Variants in CADPS observed in about 807,000 individuals in gnomAD.
The protein encoded by CADPS is calcium dependent secretion activator.
A neutral mutation model predicts 167.3 loss-of-function variants in CADPS; 57 were observed. The ratio of observed to expected loss-of-function variants is 0.34; its 90% confidence interval spans 0.28 to 0.42. The LOEUF is 0.42. Ranked by LOEUF, CADPS falls within the 20% of genes least tolerant of loss-of-function variation. CADPS has a pLI of 1.00. For missense variants in CADPS, 1,414 were observed against 1,738.1 expected (o/e 0.81, Z 3.32); for synonymous variants, 676 against 635.3 (o/e 1.06, Z -0.96).
At chr3:62,474,382 A>AT in intron 23 of CADPS, 62 bp from the exon 24 acceptor site, 2 of 1,510,660 alleles carry the variant, frequency 1.3e-6, no homozygotes, top group South Asian at 2.3e-5. Flanking sequence ...TGGAGGAGAT[A>AT]TTTTCTGAGA....
chr3:62,817,152 T>C (rs1476910149), intron 1 of CADPS, among the ~76,000 whole-genome samples: 1 of 152,178 alleles, frequency 6.6e-6, no homozygotes, highest in Non-Finnish European at 1.5e-5. Context: ...GAATCAAAAG[T>C]TGACTGAAGA....
intron 3 of CADPS, among the ~76,000 whole-genome samples, chr3:62,731,206 G>A (rs1575587278): frequency 6.6e-6 from 1 of 152,172 alleles, no homozygotes; most frequent in Non-Finnish European, 1.5e-5. Context: ...AAGTTGTGAT[G>A]AGAATTGTGA....
At chr3:62,521,300 T>C (rs2070519189) in intron 13 of CADPS, among the ~76,000 whole-genome samples, 1 of 152,156 alleles carries the variant, frequency 6.6e-6, no homozygotes, top group Non-Finnish European at 1.5e-5. Context: ...TTCTCTTAGG[T>C]TGGAGTGGAT....
chr3:62,476,860 T>C (rs998137278), intron 23 of CADPS, among the ~76,000 whole-genome samples: 1 of 152,174 alleles, frequency 6.6e-6, no homozygotes, highest in Non-Finnish European at 1.5e-5. Flanking sequence ...GGTTTGGCCA[T>C]TGGAAAAGCA....
chr3:62,488,309 GGAGA>G (rs1374574213), intron 21 of CADPS, among the ~76,000 whole-genome samples: 2 of 152,100 alleles, frequency 1.3e-5, no homozygotes, highest in East Asian at 3.9e-4. Flanking sequence ...TAGGAAACAT[GGAGA>G]GAGTCACTCC....
intron 1 of CADPS, among the ~76,000 whole-genome samples, chr3:62,844,611 C>T (rs1057472351): frequency 2.6e-5 from 4 of 152,066 alleles, no homozygotes; most frequent in African/African-American, 9.7e-5. Flanking sequence ...CAAATTTAAG[C>T]GTAGGTATCG....
Position 62,465,361 on chromosome 3 carries a change from A to G in CADPS, c.3636+6T>C. On this transcript the variant is annotated splice_donor_region_variant and intron_variant, in intron 26 of 29. Transcript: ENST00000383710. The surrounding 1 kb of genome is among the most constrained non-coding windows in gnomAD (Gnocchi z 4.1). ...AAGCCAGGAAATAAAGAAGCTCTTT[A>G]CTTACGGTAAATGACAGAAAAGAAG... The G allele has an allele frequency of 1.3e-6, 2 of 1,592,322 alleles. No homozygotes were observed. Among genetic ancestry groups the G allele is most frequent in the South Asian group, 1.2e-5 (1 of 86,498 alleles).
intron 1 of CADPS, among the ~76,000 whole-genome samples, chr3:62,798,963 A>G (rs1270100745): frequency 6.6e-6 from 1 of 152,196 alleles, no homozygotes; most frequent in Non-Finnish European, 1.5e-5. Flanking sequence ...TCTAGACATC[A>G]GCAGATATTT....
At chr3:62,422,653 A>G (rs1383170851) in intron 28 of CADPS, among the ~76,000 whole-genome samples, 1 of 152,196 alleles carries the variant, frequency 6.6e-6, no homozygotes, top group Non-Finnish European at 1.5e-5. Flanking sequence ...CTTAGGCATT[A>G]TTGGATAATG....
In CADPS at chr3:62,853,998, T is replaced by G. The variant is rs986899139; in HGVS notation, c.441+20591A>C. 2.6e-5 allele frequency among the ~76,000 whole-genome samples: 4 copies of G among 152,180 alleles called. No homozygotes were observed. In the East Asian group the frequency reaches 7.7e-4, roughly 29 times the overall value. On this transcript the variant is annotated intron_variant, in intron 1 of 29. Coordinates refer to ENST00000383710, the MANE Select transcript of CADPS (RefSeq NM_003716.4). ...AATAAATAATACATGACAAAGTAAG[T>G]AAAAAGAAAGATTGAATTCTCTCAT...
intron 24 of CADPS, among the ~76,000 whole-genome samples, chr3:62,471,617 G>A (rs181221104): frequency 6.3e-4 from 96 of 152,136 alleles, no homozygotes; most frequent in African/African-American, 2.1e-3. Context: ...AAACATGGCC[G>A]TCATTGAATC....
At chr3:62,611,401 C>T (rs983011539) in intron 6 of CADPS, among the ~76,000 whole-genome samples, 1 of 152,186 alleles carries the variant, frequency 6.6e-6, no homozygotes, top group African/African-American at 2.4e-5. Context: ...TCCATCATTT[C>T]CTCCCTGATT....
intron 6 of CADPS, among the ~76,000 whole-genome samples, chr3:62,612,437 CA>C (rs764206567): frequency 5.9e-5 from 9 of 152,218 alleles, no homozygotes; most frequent in African/African-American, 2.2e-4. Flanking sequence ...TCCAGCTGCC[CA>C]ACCTCAATGG....
intron 17 of CADPS, chr3:62,500,344 C>T (rs992305221): frequency 4.6e-5 from 7 of 152,158 alleles, no homozygotes; most frequent in African/African-American, 1.4e-4. Flanking sequence ...TTAGTAGAGA[C>T]AGAGTTTCAC....
intron 8 of CADPS, among the ~76,000 whole-genome samples, chr3:62,572,323 C>A (rs948604021): frequency 3.3e-5 from 5 of 152,118 alleles, no homozygotes; most frequent in African/African-American, 4.8e-5. Context: ...GAGTTCCTCA[C>A]GGCTCTGTCT....
At chr3:62,619,610 G>A (rs555561577) in intron 6 of CADPS, among the ~76,000 whole-genome samples, 1 of 152,194 alleles carries the variant, frequency 6.6e-6, no homozygotes, top group South Asian at 2.1e-4. Flanking sequence ...GCTTTCTCTA[G>A]TCCCTGCAAC....
At chr3:62,833,539 G>A (rs2075438207) in intron 1 of CADPS, among the ~76,000 whole-genome samples, 1 of 151,852 alleles carries the variant, frequency 6.6e-6, no homozygotes, top group East Asian at 2.0e-4. Context: ...TATGGCTACT[G>A]GTACCTTTTA....
At chr3:62,559,189 G>T (rs2152349870) in intron 9 of CADPS, among the ~76,000 whole-genome samples, 1 of 152,286 alleles carries the variant, frequency 6.6e-6, no homozygotes, top group African/African-American at 2.4e-5. Context: ...TAGCTTAATA[G>T]GTGGATTTAC....
chr3:62,405,623 A>G (rs1708205923), intron 28 of CADPS, among the ~76,000 whole-genome samples: 1 of 152,234 alleles, frequency 6.6e-6, no homozygotes, highest in Non-Finnish European at 1.5e-5. Context: ...TAGAAATTGC[A>G]TACAGCAATG....
Sources: allele counts gnomAD v4.1 joint callset (sites outside exome capture counted in the v4.1 genomes callset), GRCh38; gene constraint gnomAD v4.1.1; non-coding constraint Gnocchi (gnomAD v3.1); transcripts MANE v1.5; gene names NCBI Gene and HGNC (gene_info 2026-07-23, HGNC 2026-07-21).